ST6GALNAC5: variants seen among roughly 807,000 people sequenced by gnomAD.
The protein encoded by ST6GALNAC5 is ST6 N-acetylgalactosaminide alpha-2,6-sialyltransferase 5.
Under a neutral mutation model 33.6 loss-of-function variants are expected in ST6GALNAC5, and 27 were observed. The observed-to-expected ratio is 0.80, with a 90% confidence interval of 0.59 to 1.11. The LOEUF (loss-of-function observed/expected upper bound fraction) is 1.11. Among genes scored for constraint, ST6GALNAC5 ranks in the 50% least tolerant of loss-of-function variants. The pLI, the probability that ST6GALNAC5 is intolerant of heterozygous loss-of-function variation, is 0.00. For synonymous variants in ST6GALNAC5, 194 were observed against 171.2 expected (o/e 1.13, Z -1.04); for missense variants, 428 against 454.0 (o/e 0.94, Z 0.52).
intron 4 of ST6GALNAC5, among the ~76,000 whole-genome samples, chr1:77,054,617 G>A (rs1435666627): frequency 6.6e-6 from 1 of 152,156 alleles, no homozygotes; most frequent in Non-Finnish European, 1.5e-5. Flanking sequence ...GTGTGAGGGA[G>A]CAGAGGCAGT....
chr1:77,062,846 A>C, intron 4 of ST6GALNAC5, 129 bp from the exon 5 acceptor site: 2 of 659,522 alleles, frequency 3.0e-6, no homozygotes, highest in East Asian at 5.5e-5. Flanking sequence ...CAGAAAAACC[A>C]TTTGTTCAAA....
chr1:77,000,907 GT>G (rs1223235347), intron 2 of ST6GALNAC5, among the ~76,000 whole-genome samples: 2 of 152,046 alleles, frequency 1.3e-5, no homozygotes, highest in Non-Finnish European at 2.9e-5. Flanking sequence ...TTGTAATATA[GT>G]TTGAAGTCAG....
rs1000686766 is a variant in ST6GALNAC5 at position 76,919,444 on chromosome 1, G to C, written c.261+50702G>C. Among the ~76,000 whole-genome samples, 6 of 152,150 alleles carry C rather than the reference G, an allele frequency of 3.9e-5. No homozygotes were observed. The South Asian group carries it at 6.2e-4, about 16-fold the overall frequency. On this transcript the variant is annotated intron_variant, in intron 2 of 4. Transcript: ENST00000477717. ...CCACCTTCTTCCCTTAATGGGTTTC[G>C]ATTTAGTCTTCAAGGCATGTCTCAG...
At chr1:76,903,035 A>C (rs1438316517) in intron 2 of ST6GALNAC5, among the ~76,000 whole-genome samples, 1 of 152,150 alleles carries the variant, frequency 6.6e-6, no homozygotes, top group East Asian at 1.9e-4. Flanking sequence ...ACAACAACAA[A>C]AAATTGGTTT....
At chr1:77,019,094 G>A (rs1194988325) in intron 2 of ST6GALNAC5, among the ~76,000 whole-genome samples, 3 of 152,178 alleles carry the variant, frequency 2.0e-5, no homozygotes, top group Non-Finnish European at 4.4e-5. Flanking sequence ...TGCTTAAACT[G>A]TTCTACTGTA....
At chr1:76,920,118 A>C (rs1051124422) in intron 2 of ST6GALNAC5, among the ~76,000 whole-genome samples, 1 of 152,154 alleles carries the variant, frequency 6.6e-6, no homozygotes, top group Non-Finnish European at 1.5e-5. Context: ...ATTAGGAAAA[A>C]GGGAAAGGAA....
chr1:76,868,438 G>A lies in ST6GALNAC5; in HGVS notation c.16-59G>A. 1.3e-6 allele frequency: 2 copies of A among 1,544,830 alleles called. No homozygotes were observed. Among genetic ancestry groups the A allele is most frequent in the Admixed American group, 3.8e-5 (2 of 52,944 alleles). On this transcript the variant is annotated intron_variant, in intron 1 of 4. Coordinates refer to ENST00000477717, the MANE Select transcript of ST6GALNAC5 (RefSeq NM_030965.3). The surrounding 1 kb of genome is among the most constrained non-coding windows in gnomAD (Gnocchi z 4.3). ...CACCGCACAGTTGTCCCCGCTGGGC[G>A]CGCTCCTCCGGTGTCTGCGCTCAGC...
intron 2 of ST6GALNAC5, among the ~76,000 whole-genome samples, chr1:76,878,985 T>C (rs1653715178): frequency 2.0e-5 from 3 of 152,178 alleles, no homozygotes; most frequent in Admixed American, 6.5e-5. Flanking sequence ...GATCCAGTTA[T>C]TCCCACTGTA....
At chr1:76,993,923 GA>G (rs1000144852) in intron 2 of ST6GALNAC5, among the ~76,000 whole-genome samples, 47 of 150,890 alleles carry the variant, frequency 3.1e-4, no homozygotes, top group Non-Finnish European at 4.7e-4. Flanking sequence ...AGGAAAAAAA[GA>G]AAAAAAAGGG....
intron 2 of ST6GALNAC5, among the ~76,000 whole-genome samples, chr1:76,970,520 A>G (rs1370104523): frequency 6.6e-6 from 1 of 152,106 alleles, no homozygotes; most frequent in African/African-American, 2.4e-5. Flanking sequence ...AAGAGTAAAA[A>G]GAAATGAACA....
intron 2 of ST6GALNAC5, among the ~76,000 whole-genome samples, chr1:76,965,702 T>C (rs780865424): frequency 3.9e-5 from 6 of 152,256 alleles, no homozygotes; most frequent in Non-Finnish European, 7.3e-5. Context: ...TCCTGAAAGG[T>C]ATTGCCTAGG....
At chr1:76,912,501 A>G (rs563666620) in intron 2 of ST6GALNAC5, among the ~76,000 whole-genome samples, 2 of 151,848 alleles carry the variant, frequency 1.3e-5, no homozygotes, top group Non-Finnish European at 2.9e-5. Flanking sequence ...TGTCTCGTTG[A>G]TCTGTCTAAT....
intron 2 of ST6GALNAC5, among the ~76,000 whole-genome samples, chr1:76,884,291 C>G (rs1029119971): frequency 6.6e-6 from 1 of 152,116 alleles, no homozygotes; most frequent in Admixed American, 6.5e-5. Context: ...GAGGATGATC[C>G]CAGATGGCAC....
chr1:76,868,643 C>T lies in ST6GALNAC5; in HGVS notation c.162C>T (p.Gly54=). 1 of 1,605,480 alleles carries T rather than the reference C, an allele frequency of 6.2e-7. No homozygotes were observed. The highest frequency in any genetic ancestry group is 8.5e-7 in the Non-Finnish European group (1 of 1,175,794). The change falls in exon 2 of 5, where the codon GGC becomes GGT. Residue 54 remains glycine (G), a synonymous_variant. Coordinates refer to ENST00000477717, the MANE Select transcript of ST6GALNAC5 (RefSeq NM_030965.3). This position sits in a 1 kb window ranked among gnomAD's most constrained non-coding sequence, Gnocchi z 4.3. ...QQQQQQASAT[G]SSQPAAESST... is the part of the protein sequence containing the mutation. ...AGCAGCAGCAGGCGTCGGCCACCGG[C>T]AGCTCGCAGCCGGCGGCGGAGAGCA...
At chr1:76,910,572 C>T (rs1032038417) in intron 2 of ST6GALNAC5, among the ~76,000 whole-genome samples, 5 of 151,934 alleles carry the variant, frequency 3.3e-5, no homozygotes, top group Non-Finnish European at 5.9e-5. Flanking sequence ...TTGATGACTG[C>T]TCAAACACTT....
intron 2 of ST6GALNAC5, among the ~76,000 whole-genome samples, chr1:77,007,443 A>G (rs1437916558): frequency 6.6e-5 from 10 of 152,228 alleles, no homozygotes; most frequent in Admixed American, 3.9e-4. Flanking sequence ...TTGACAAAAT[A>G]GTCCAAGTTC....
In ST6GALNAC5 at chr1:77,064,651, T is replaced by G. The variant is rs943158820; in HGVS notation, c.*1445T>G. 18 of 152,212 alleles carry G rather than the reference T, an allele frequency of 1.2e-4. No individual in the cohort carries two copies. The highest frequency in any genetic ancestry group is 4.3e-4 in the African/African-American group (18 of 41,450). 9.4% of individuals were successfully genotyped at this position (152,212 alleles called of 1,614,324 possible). On this transcript the variant is annotated 3_prime_UTR_variant, in exon 5 of 5. Coordinates refer to ENST00000477717, the MANE Select transcript of ST6GALNAC5 (RefSeq NM_030965.3). ...TTTATTCAGAGCCAAGATAAATTCATATTATAGATTTTTATTTAAACAAGT... is the reference window on the plus strand; with the variant it reads ...TTTATTCAGAGCCAAGATAAATTCAGATTATAGATTTTTATTTAAACAAGT...
At chr1:76,979,649 G>T (rs1411709074) in intron 2 of ST6GALNAC5, among the ~76,000 whole-genome samples, 2 of 152,140 alleles carry the variant, frequency 1.3e-5, no homozygotes, top group African/African-American at 2.4e-5. Context: ...ATGTAAGACT[G>T]GGCATGGTAG....
chr1:77,056,841 C>T (rs1162948696), intron 4 of ST6GALNAC5, among the ~76,000 whole-genome samples: 2 of 152,160 alleles, frequency 1.3e-5, no homozygotes, highest in Non-Finnish European at 2.9e-5. Flanking sequence ...CGCCTAGACA[C>T]ACAATGCTAT....
Sources: gnomAD v4.1 joint callset for allele counts (sites outside exome capture counted in the v4.1 genomes callset) on GRCh38, gnomAD v4.1.1 for gene constraint, Gnocchi (gnomAD v3.1) non-coding constraint, MANE v1.5 for transcripts, NCBI Gene and HGNC (gene_info 2026-07-23, HGNC 2026-07-21) for gene names.